SGCD: variants seen among roughly 807,000 people sequenced by gnomAD.
SGCD encodes the protein sarcoglycan delta, also known as delta-sarcoglycan.
A neutral mutation model predicts 36.6 loss-of-function variants in SGCD; 18 were observed. The ratio of observed to expected loss-of-function variants is 0.49; its 90% confidence interval spans 0.34 to 0.73. SGCD has a LOEUF of 0.73. SGCD is among the 30% of genes least tolerant of loss of function. The pLI is 0.01. For missense variants in SGCD, 387 were observed against 346.7 expected (o/e 1.12, Z -0.92); for synonymous variants, 133 against 130.6 (o/e 1.02, Z -0.12).
the SGCD span, among the ~76,000 whole-genome samples, chr5:155,794,850 G>A: frequency 6.6e-6 from 1 of 151,964 alleles, no homozygotes; most frequent in Non-Finnish European, 1.5e-5. Flanking sequence ...AGAAAAAAAT[G>A]GAAAGAAAAT....
intron 3 of SGCD, among the ~76,000 whole-genome samples, chr5:156,397,356 T>C (rs780109926): frequency 1.3e-5 from 2 of 152,248 alleles, no homozygotes; most frequent in African/African-American, 2.4e-5. Flanking sequence ...GTTTTGCTTT[T>C]TATAAACTTT....
chr5:155,984,774 A>G (rs1045799659), intron 1 of SGCD, among the ~76,000 whole-genome samples: 5 of 152,066 alleles, frequency 3.3e-5, no homozygotes, highest in Non-Finnish European at 7.4e-5. Context: ...ACACCCCTCC[A>G]CCAGAACCTC....
chr5:156,652,130 A>AG (rs1381280792), intron 7 of SGCD, among the ~76,000 whole-genome samples: 30 of 152,010 alleles, frequency 2.0e-4, no homozygotes, highest in Admixed American at 2.0e-3. Context: ...TCTTTATTGA[A>AG]GTCATTTCAG....
chr5:156,288,364 G>T (rs1766670348), intron 3 of SGCD, among the ~76,000 whole-genome samples: 1 of 152,138 alleles, frequency 6.6e-6, no homozygotes, highest in South Asian at 2.1e-4. Flanking sequence ...CTTTCCAACT[G>T]AATCCCAGGA....
intron 3 of SGCD, among the ~76,000 whole-genome samples, chr5:156,480,725 G>T (rs574120166): frequency 6.6e-6 from 1 of 152,326 alleles, no homozygotes; most frequent in African/African-American, 2.4e-5. Flanking sequence ...AATGCTGGGT[G>T]CTTTACCTAC....
At chr5:156,502,513 T>A (rs577581731) in intron 3 of SGCD, among the ~76,000 whole-genome samples, 1 of 152,252 alleles carries the variant, frequency 6.6e-6, no homozygotes, top group South Asian at 2.1e-4. Flanking sequence ...TTTATTTTTA[T>A]TTTTTAGGAT....
rs900836570 is a variant in SGCD, at chr5:156,215,834, A to T, written c.-44+91815A>T. Among the ~76,000 whole-genome samples the T allele has an allele frequency of 3.9e-5, 6 of 152,290 alleles. No individual in the cohort carries two copies. In the East Asian group the frequency reaches 1.2e-3, roughly 29 times the overall value. ...TGTGATCCACCAGTCACACTAGTTG[A>T]TATATATACAAAGGAAATGAAATCA... On this transcript the variant is annotated intron_variant, in intron 3 of 9. Coordinates refer to the SGCD transcript ENST00000517913.
intron 3 of SGCD, among the ~76,000 whole-genome samples, chr5:156,242,405 G>C (rs1026296305): frequency 2.0e-5 from 3 of 152,164 alleles, no homozygotes; most frequent in African/African-American, 7.2e-5. Flanking sequence ...ACTGTTCTGT[G>C]TATTGACTCA....
chr5:156,100,838 G>T (rs1186954968), intron 1 of SGCD, among the ~76,000 whole-genome samples: 1 of 152,142 alleles, frequency 6.6e-6, no homozygotes, highest in Admixed American at 6.5e-5. Flanking sequence ...GCAAAGACTA[G>T]CATGATCTAC....
At chr5:156,469,602 A>T (rs1270090500) in intron 3 of SGCD, among the ~76,000 whole-genome samples, 1 of 152,250 alleles carries the variant, frequency 6.6e-6, no homozygotes, top group East Asian at 1.9e-4. Flanking sequence ...GCAGAAATAC[A>T]ATAGCTAATA....
chr5:156,289,147 C>T (rs1469683663), intron 3 of SGCD, among the ~76,000 whole-genome samples: 2 of 152,058 alleles, frequency 1.3e-5, no homozygotes, highest in Non-Finnish European at 2.9e-5. Flanking sequence ...GTTTAAAAAA[C>T]ACTGTGTGTA....
chr5:155,966,708 C>T (rs1325866326), intron 1 of SGCD, among the ~76,000 whole-genome samples: 3 of 152,198 alleles, frequency 2.0e-5, no homozygotes, highest in Admixed American at 6.6e-5. Flanking sequence ...GTCTTAAATT[C>T]TTGGAGCTGT....
chr5:156,125,839 T>TTTATTA (rs144493356), intron 3 of SGCD, among the ~76,000 whole-genome samples: 2,066 of 131,462 alleles, frequency 0.016, 31 homozygotes, highest in East Asian at 0.028. Flanking sequence ...CACTCATTCT[T>TTTATTA]TTATTATTAT....
chr5:155,806,444 T>C, the SGCD span, among the ~76,000 whole-genome samples: 2,637 of 152,334 alleles, frequency 0.017, 85 homozygotes, highest in African/African-American at 0.059. Flanking sequence ...TAAGCCATCG[T>C]GCCCAGCCGA....
rs573383177 is a variant in SGCD at position 156,429,483 on chromosome 5, A to G, written c.193-79118A>G. 2.0e-5 allele frequency among the ~76,000 whole-genome samples: 3 copies of G among 151,998 alleles called. No individual in the cohort carries two copies. The East Asian group carries it at 5.8e-4, about 29-fold the overall frequency. On this transcript the variant is annotated intron_variant, in intron 3 of 8. Coordinates refer to ENST00000337851, the MANE Select transcript of SGCD (RefSeq NM_000337.6). The stretch of plus-strand genomic sequence containing the variant: ...TCCATTCTGCCATTCTGTGTCTTTT[A>G]AGTAGAACATTTAGGCCATTTACAT...
chr5:156,207,378 A>G (rs1764308640), intron 3 of SGCD, among the ~76,000 whole-genome samples: 1 of 152,148 alleles, frequency 6.6e-6, no homozygotes, highest in East Asian at 1.9e-4. Flanking sequence ...CTGGACCTCA[A>G]TTTTTCAAAC....
intron 4 of SGCD, among the ~76,000 whole-genome samples, chr5:156,516,404 C>A (rs1473696187): frequency 1.3e-5 from 2 of 152,134 alleles, no homozygotes; most frequent in Non-Finnish European, 2.9e-5. Flanking sequence ...CAGGAGTGGC[C>A]CCCCAGCAAA....
At chr5:156,351,529 G>A (rs750076757) in intron 3 of SGCD, among the ~76,000 whole-genome samples, 3 of 152,028 alleles carry the variant, frequency 2.0e-5, no homozygotes, top group Non-Finnish European at 4.4e-5. Context: ...GTAAAGATTA[G>A]AGGAGGTGAT....
intron 1 of SGCD, among the ~76,000 whole-genome samples, chr5:156,098,974 G>T (rs1761450400): frequency 6.6e-6 from 1 of 152,116 alleles, no homozygotes; most frequent in Non-Finnish European, 1.5e-5. Flanking sequence ...TGTTGGGTTT[G>T]CCAGATGTTG....
Sources: allele counts gnomAD v4.1 joint callset (sites outside exome capture counted in the v4.1 genomes callset), GRCh38; gene constraint gnomAD v4.1.1; transcripts MANE v1.5; gene names NCBI Gene and HGNC (gene_info 2026-07-23, HGNC 2026-07-21).